Variants in STAG1 observed in about 807,000 individuals in gnomAD.
STAG1 encodes STAG1 cohesin complex component.
STAG1 carries 26 observed loss-of-function variants against 170.9 expected under a neutral mutation model. That is an observed-to-expected ratio of 0.15 (90% CI 0.11 to 0.21). STAG1 has a LOEUF of 0.21. Among genes scored for constraint, STAG1 ranks in the 10% least tolerant of loss-of-function variants. STAG1 has a pLI of 1.00. For synonymous variants in STAG1, 514 were observed against 497.7 expected (o/e 1.03, Z -0.44); for missense variants, 964 against 1,509.5 (o/e 0.64, Z 5.99).
At chr3:136,729,780 T>G (rs1333010486) in intron 1 of STAG1, among the ~76,000 whole-genome samples, 1 of 151,628 alleles carries the variant, frequency 6.6e-6, no homozygotes, top group African/African-American at 2.4e-5. Flanking sequence ...GATTTTGCTA[T>G]GTTGGCCAGG....
chr3:136,658,776 T>A (rs1450652934), intron 1 of STAG1, among the ~76,000 whole-genome samples: 3 of 152,236 alleles, frequency 2.0e-5, no homozygotes, highest in African/African-American at 7.2e-5. Flanking sequence ...AGGTGGAGAC[T>A]GATGAAAATT....
chr3:136,507,601 C>T (rs1159516186), intron 7 of STAG1, among the ~76,000 whole-genome samples: 3 of 152,120 alleles, frequency 2.0e-5, no homozygotes, highest in Non-Finnish European at 2.9e-5. Context: ...CTCCTGGCCT[C>T]AAGTGATTCT....
chr3:136,738,468 G>A (rs1283864708), intron 1 of STAG1, among the ~76,000 whole-genome samples: 1 of 152,152 alleles, frequency 6.6e-6, no homozygotes, highest in Non-Finnish European at 1.5e-5. Context: ...TCCAGCCTGG[G>A]CGACAGAGCA....
intron 9 of STAG1, among the ~76,000 whole-genome samples, chr3:136,483,991 TCAAAG>T (rs2089945924): frequency 2.2e-5 from 1 of 46,468 alleles, no homozygotes; most frequent in Non-Finnish European, 4.3e-5. Flanking sequence ...TAAATTTTTT[TCAAAG>T]TTTTCAACTT....
chr3:136,452,702 T>A (rs1391288983), intron 13 of STAG1, among the ~76,000 whole-genome samples: 3 of 152,210 alleles, frequency 2.0e-5, no homozygotes, highest in Non-Finnish European at 4.4e-5. Flanking sequence ...ACTTTTACAA[T>A]GAACAATCAA....
chr3:136,606,767 TG>T (rs66587275), intron 3 of STAG1, among the ~76,000 whole-genome samples: 8,910 of 147,108 alleles, frequency 0.061, 974 homozygotes, highest in African/African-American at 0.21. Context: ...TTTTTTTTTT[TG>T]GGGACGAAGT....
intron 12 of STAG1, among the ~76,000 whole-genome samples, chr3:136,466,337 G>A (rs1353112981): frequency 6.6e-6 from 1 of 152,138 alleles, no homozygotes; most frequent in Non-Finnish European, 1.5e-5. Context: ...AACCATGGCA[G>A]GAGAACTACG....
chr3:136,713,578 A>T (rs1009370576), intron 1 of STAG1, among the ~76,000 whole-genome samples: 1 of 141,770 alleles, frequency 7.1e-6, no homozygotes, highest in African/African-American at 2.6e-5. Context: ...GCGAAACTCC[A>T]CCTCAAAAAA....
intron 4 of STAG1, among the ~76,000 whole-genome samples, chr3:136,585,025 G>C (rs886323209): frequency 3.3e-5 from 5 of 152,136 alleles, no homozygotes; most frequent in African/African-American, 1.2e-4. Flanking sequence ...TAATATCTGG[G>C]TTACAGAGCC....
At chr3:136,494,613 G>A (rs887795921) in intron 9 of STAG1, among the ~76,000 whole-genome samples, 3 of 152,036 alleles carry the variant, frequency 2.0e-5, no homozygotes, top group African/African-American at 7.2e-5. Flanking sequence ...CAGAATGCAA[G>A]GTTGGTATAA....
At position 136,524,087 on chromosome 3, in the gene STAG1, TG is replaced by T. The variant is rs1934855924; in HGVS notation, c.472-2671del. On this transcript the variant is annotated intron_variant, in intron 6 of 33. Coordinates refer to ENST00000383202, the MANE Select transcript of STAG1 (RefSeq NM_005862.3). ...TGTCTTGGCAATGCGGGCTCTTTTT[TG>T]GTCCCATATGAACTTTAAAGTAGTT... is the stretch of plus-strand genomic sequence containing the variant. 2.0e-5 allele frequency among the ~76,000 whole-genome samples: 3 copies of T among 152,208 alleles called. No individual in the cohort carries two copies. In the South Asian group the frequency reaches 6.2e-4, roughly 31 times the overall value.
rs747407059 is a variant in STAG1 at position 136,359,107 on chromosome 3, G to A, written c.2936+41C>T. 146 of 1,506,176 alleles carry A rather than the reference G, an allele frequency of 9.7e-5. 1 individual carries two copies. In the Middle Eastern group the frequency reaches 3.0e-3, roughly 31 times the overall value. The allele number at this position is 1,506,176 out of a possible 1,614,324, so 93.3% of individuals were successfully genotyped here. ...TAAGAGTTATTTCATTAAAATTCAA[G>A]TAAATCAGATTCTGCATAACAAAGT... On this transcript the variant is annotated intron_variant, in intron 27 of 33. Transcript: ENST00000383202.
intron 1 of STAG1, among the ~76,000 whole-genome samples, chr3:136,659,282 T>C (rs1941496255): frequency 6.6e-6 from 1 of 152,234 alleles, no homozygotes; most frequent in Non-Finnish European, 1.5e-5. Flanking sequence ...TTCATAAAAC[T>C]ACTTCCAGCA....
At chr3:136,557,361 T>C (rs1057006706) in intron 5 of STAG1, among the ~76,000 whole-genome samples, 3 of 152,088 alleles carry the variant, frequency 2.0e-5, no homozygotes, top group African/African-American at 7.2e-5. Context: ...CATTGTACAA[T>C]CAAGAAAAAC....
chr3:136,735,599 A>G (rs955975764), intron 1 of STAG1, among the ~76,000 whole-genome samples: 2 of 151,934 alleles, frequency 1.3e-5, no homozygotes, highest in Non-Finnish European at 2.9e-5. Flanking sequence ...CACCACACCC[A>G]GCTAATTTTT....
chr3:136,487,964 A>G (rs1043130292), intron 9 of STAG1, among the ~76,000 whole-genome samples: 1 of 152,236 alleles, frequency 6.6e-6, no homozygotes, highest in Non-Finnish European at 1.5e-5. Context: ...GCCATCAGCC[A>G]TGTAAGTAAG....
chr3:136,443,387 G>A lies in STAG1; in HGVS notation c.1446C>T (p.Ala482=). The change falls in exon 15 of 34, where the codon GCC becomes GCT. Residue 482 remains alanine, a synonymous_variant. Coordinates refer to ENST00000383202, the MANE Select transcript of STAG1 (RefSeq NM_005862.3). ...TCTCCCATAAACTGTCCACCAAGTAGGCTGCATGTTCATGTAACTAAAAAG... is the reference window on the plus strand; with the variant it reads ...TCTCCCATAAACTGTCCACCAAGTAAGCTGCATGTTCATGTAACTAAAAAG... ...FLESELHEHA[A]YLVDSLWESS... 1.2e-6 allele frequency: 2 copies of A among 1,610,636 alleles called. No individual in the cohort carries two copies. The highest frequency in any genetic ancestry group is 1.7e-6 in the Non-Finnish European group (2 of 1,178,474).
At chr3:136,581,809 C>T (rs1421651905) in intron 4 of STAG1, among the ~76,000 whole-genome samples, 3 of 151,954 alleles carry the variant, frequency 2.0e-5, no homozygotes, top group East Asian at 1.9e-4. Flanking sequence ...TAAAAATTCA[C>T]ATATATTCAA....
At chr3:136,724,600 TAAA>T (rs58430366) in intron 1 of STAG1, among the ~76,000 whole-genome samples, 2 of 104,664 alleles carry the variant, frequency 1.9e-5, no homozygotes, top group African/African-American at 3.2e-5. Context: ...GAATGATCAA[TAAA>T]AAAAAAAAAA....
Sources: gnomAD v4.1 joint callset for allele counts (sites outside exome capture counted in the v4.1 genomes callset) on GRCh38, gnomAD v4.1.1 for gene constraint, MANE v1.5 for transcripts, NCBI Gene and HGNC (gene_info 2026-07-23, HGNC 2026-07-21) for gene names.